The following MDGA2 variants were observed in gnomAD, a reference collection of about 807,000 sequenced individuals.
The protein encoded by MDGA2 is MAM domain-containing glycosylphosphatidylinositol anchor protein 2.
In MDGA2, 40 loss-of-function variants were observed where a neutral mutation model predicts 117.8. The observed-to-expected ratio is 0.34, with a 90% CI of 0.26 to 0.44. MDGA2 has a LOEUF of 0.44. Among genes scored for constraint, MDGA2 ranks in the 20% least tolerant of loss-of-function variants. The pLI, the probability that MDGA2 is intolerant of heterozygous loss-of-function variation, is 1.00. For missense variants in MDGA2, 1,123 were observed against 1,250.6 expected (o/e 0.90, Z 1.54); for synonymous variants, 452 against 439.0 (o/e 1.03, Z -0.37).
intron 10 of MDGA2, among the ~76,000 whole-genome samples, chr14:46,907,803 T>C (rs1336792961): frequency 6.6e-6 from 1 of 152,180 alleles, no homozygotes; most frequent in Non-Finnish European, 1.5e-5. Context: ...TAGTACCTGA[T>C]ACAACAGTAA....
chr14:47,504,264 G>A (rs555354530), intron 1 of MDGA2, among the ~76,000 whole-genome samples: 23 of 152,152 alleles, frequency 1.5e-4, no homozygotes, highest in South Asian at 6.2e-4. Context: ...TTTGTATGCC[G>A]TTGTTAATTT....
rs536967439 is a variant in MDGA2, at chr14:47,057,024, A to G, written c.1525+4225T>C. On this transcript the variant is annotated intron_variant, in intron 7 of 16. Coordinates refer to ENST00000399232, the MANE Select transcript of MDGA2 (RefSeq NM_001113498.3). ...GTCTAGCCAGATAAAATATAGCTTC[A>G]GTAATAAAAAACTATAAAGTTGTAA... Among the ~76,000 whole-genome samples the G allele has an allele frequency of 3.3e-5, 5 of 152,256 alleles. No individual in the cohort carries two copies. The South Asian group carries it at 1.0e-3, about 31-fold the overall frequency.
chr14:47,286,953 T>A (rs1168784784), intron 2 of MDGA2, among the ~76,000 whole-genome samples: 4 of 151,506 alleles, frequency 2.6e-5, no homozygotes, highest in African/African-American at 9.7e-5. Flanking sequence ...TTGATTATTC[T>A]CTTTTATAAT....
At chr14:47,128,922 CT>C (rs1324648370) in intron 5 of MDGA2, among the ~76,000 whole-genome samples, 1 of 152,004 alleles carries the variant, frequency 6.6e-6, no homozygotes, top group Non-Finnish European at 1.5e-5. Context: ...ATCTCCTGAC[CT>C]CGTGATCTGC....
chr14:46,984,992 C>A (rs1159979102), intron 8 of MDGA2, among the ~76,000 whole-genome samples: 1 of 151,796 alleles, frequency 6.6e-6, no homozygotes, highest in African/African-American at 2.4e-5. Flanking sequence ...ACATTTTTTT[C>A]ATATTCATTT....
intron 8 of MDGA2, among the ~76,000 whole-genome samples, chr14:46,979,460 T>A (rs1040508740): frequency 6.6e-6 from 1 of 152,180 alleles, no homozygotes; most frequent in Non-Finnish European, 1.5e-5. Flanking sequence ...GGAAATCATA[T>A]TGAAAGCTGA....
intron 8 of MDGA2, among the ~76,000 whole-genome samples, chr14:46,968,239 A>G (rs536299532): frequency 6.6e-6 from 1 of 152,224 alleles, no homozygotes; most frequent in East Asian, 1.9e-4. Flanking sequence ...ACAAGGGGAG[A>G]TCACCTGTTC....
intron 1 of MDGA2, among the ~76,000 whole-genome samples, chr14:47,497,592 T>C (rs1221284814): frequency 2.0e-5 from 3 of 152,128 alleles, no homozygotes; most frequent in Non-Finnish European, 2.9e-5. Flanking sequence ...ATTCAGTTAA[T>C]AGACTCGTTA....
Position 47,107,079 on chromosome 14 carries a change from A to G in MDGA2, c.926-9956T>C, listed in dbSNP as rs867735952. ...TTCTATCCCCCCACCTTAACCCACA[A>G]GTATAAGACACCTCTACTCCCTCCT... is the stretch of plus-strand genomic sequence containing the variant. On this transcript the variant is annotated intron_variant, in intron 5 of 16. Coordinates refer to ENST00000399232, the MANE Select transcript of MDGA2 (RefSeq NM_001113498.3). Among the ~76,000 whole-genome samples, 82 of 132,892 alleles carry G rather than the reference A, an allele frequency of 6.2e-4. 2 individuals carry two copies. Among genetic ancestry groups the G allele is most frequent in the African/African-American group, 1.9e-3 (65 of 33,384 alleles). 87.2% of individuals were successfully genotyped at this position (132,892 alleles called of 152,430 possible).
At chr14:47,464,125 ACACAC>A (rs1893549304) in intron 1 of MDGA2, among the ~76,000 whole-genome samples, 1 of 151,624 alleles carries the variant, frequency 6.6e-6, no homozygotes, top group Non-Finnish European at 1.5e-5. Context: ...ACACACACAC[ACACAC>A]ACACACACAC....
At chr14:46,868,200 C>A (rs1002143298) in intron 14 of MDGA2, among the ~76,000 whole-genome samples, 2 of 151,800 alleles carry the variant, frequency 1.3e-5, no homozygotes, top group Non-Finnish European at 2.9e-5. Context: ...GTTTTGGGAA[C>A]AAAAGGAGCA....
chr14:47,359,748 C>CAAAAAAAAAAAAAAAA (rs71448198), intron 1 of MDGA2, among the ~76,000 whole-genome samples: 3 of 110,786 alleles, frequency 2.7e-5, no homozygotes, highest in Admixed American at 9.2e-5. Flanking sequence ...AAGACTGTCT[C>CAAAAAAAAAAAAAAAA]AAAAAAAAAA....
At chr14:47,304,561 ATGT>A (rs1039820392) in intron 1 of MDGA2, among the ~76,000 whole-genome samples, 2 of 152,152 alleles carry the variant, frequency 1.3e-5, no homozygotes, top group Non-Finnish European at 2.9e-5. Context: ...TCACAATAGA[ATGT>A]TGTCCCAGTT....
chr14:47,076,007 T>G (rs1380482804), intron 6 of MDGA2, among the ~76,000 whole-genome samples: 1 of 151,962 alleles, frequency 6.6e-6, no homozygotes, highest in Non-Finnish European at 1.5e-5. Context: ...TATCGAATAC[T>G]CACAAAAAAA....
chr14:47,468,676 T>C (rs1893654611), intron 1 of MDGA2, among the ~76,000 whole-genome samples: 1 of 151,972 alleles, frequency 6.6e-6, no homozygotes, highest in Non-Finnish European at 1.5e-5. Context: ...TTTTTTTGTT[T>C]AAATAAGGAG....
chr14:47,386,008 C>T (rs139191261), intron 1 of MDGA2, among the ~76,000 whole-genome samples: 14 of 152,194 alleles, frequency 9.2e-5, no homozygotes, highest in South Asian at 4.1e-4. Flanking sequence ...CAGCCAGGCG[C>T]GGTGGCTCAC....
intron 7 of MDGA2, among the ~76,000 whole-genome samples, chr14:47,047,693 T>C (rs1304230617): frequency 6.6e-6 from 1 of 152,090 alleles, no homozygotes; most frequent in African/African-American, 2.4e-5. Context: ...TGTGTATCAA[T>C]AACCATACTT....
chr14:47,358,973 A>T (rs1175405693), intron 1 of MDGA2, among the ~76,000 whole-genome samples: 1 of 152,190 alleles, frequency 6.6e-6, no homozygotes, highest in East Asian at 1.9e-4. Context: ...AAACTCTAAA[A>T]TTTGCAGGGA....
At chr14:47,422,367 G>C (rs1215594775) in intron 1 of MDGA2, among the ~76,000 whole-genome samples, 1 of 152,038 alleles carries the variant, frequency 6.6e-6, no homozygotes, top group Non-Finnish European at 1.5e-5. Flanking sequence ...TCTCCAAAGA[G>C]GAGTGGCAGA....
Sources: gnomAD v4.1 joint callset for allele counts (sites outside exome capture counted in the v4.1 genomes callset) on GRCh38, gnomAD v4.1.1 for gene constraint, MANE v1.5 for transcripts, NCBI Gene and HGNC (gene_info 2026-07-23, HGNC 2026-07-21) for gene names.